Variants in GRID1 observed in about 807,000 individuals in gnomAD.
GRID1 encodes the protein glutamate ionotropic receptor delta type subunit 1.
A neutral mutation model predicts 98.0 loss-of-function variants in GRID1; 28 were observed. That is an observed-to-expected ratio of 0.29 (90% CI 0.21 to 0.39). The LOEUF (loss-of-function observed/expected upper bound fraction) is 0.39, where lower values mean the gene tolerates loss of function less well. GRID1 is among the 10% of genes least tolerant of loss of function. GRID1 has a pLI of 1.00. For missense variants in GRID1, 1,111 were observed against 1,340.5 expected (o/e 0.83, Z 2.67); for synonymous variants, 553 against 538.5 (o/e 1.03, Z -0.37).
chr10:85,679,962 C>T (rs1320164576), intron 12 of GRID1, among the ~76,000 whole-genome samples: 6 of 152,070 alleles, frequency 3.9e-5, no homozygotes, highest in African/African-American at 9.7e-5. Flanking sequence ...CAGGCAGTCA[C>T]GGAAAGAGTC....
chr10:85,764,062 C>T (rs948080050), intron 8 of GRID1, among the ~76,000 whole-genome samples: 2 of 152,068 alleles, frequency 1.3e-5, no homozygotes, highest in Admixed American at 1.3e-4. Context: ...CAAAGAGATG[C>T]GTTTTCTGCC....
At chr10:85,951,068 T>C (rs1842118296) in intron 4 of GRID1, among the ~76,000 whole-genome samples, 1 of 152,074 alleles carries the variant, frequency 6.6e-6, no homozygotes, top group Non-Finnish European at 1.5e-5. Context: ...CCCACTCCTA[T>C]CCCCGGTCAT....
chr10:85,714,500 C>A (rs1841616789), intron 12 of GRID1, among the ~76,000 whole-genome samples: 1 of 151,992 alleles, frequency 6.6e-6, no homozygotes, highest in African/African-American at 2.4e-5. Context: ...AAAGAAAATC[C>A]TTGACCTCAC....
intron 8 of GRID1, among the ~76,000 whole-genome samples, chr10:85,757,193 C>T (rs533415329): frequency 1.3e-5 from 2 of 152,316 alleles, no homozygotes; most frequent in East Asian, 3.9e-4. Flanking sequence ...CTTCAACTCC[C>T]CTTCAAGGTT....
At chr10:85,655,300 C>T (rs1590176902) in intron 12 of GRID1, among the ~76,000 whole-genome samples, 1 of 152,106 alleles carries the variant, frequency 6.6e-6, no homozygotes, top group Non-Finnish European at 1.5e-5. Flanking sequence ...CCCACTGGAT[C>T]CAAGTCCCTG....
At chr10:86,261,941 GC>G (rs1362792721) in intron 2 of GRID1, among the ~76,000 whole-genome samples, 1 of 152,240 alleles carries the variant, frequency 6.6e-6, no homozygotes, top group Non-Finnish European at 1.5e-5. Context: ...AGAGCTGTGT[GC>G]CAGACATCAG....
At chr10:86,305,597 G>A (rs1004140064) in intron 2 of GRID1, among the ~76,000 whole-genome samples, 2 of 152,076 alleles carry the variant, frequency 1.3e-5, no homozygotes, top group Non-Finnish European at 2.9e-5. Flanking sequence ...AGGAGTGAGG[G>A]CCTCTGCATG....
chr10:85,621,422 C>T (rs188144755), intron 13 of GRID1, among the ~76,000 whole-genome samples: 4 of 152,250 alleles, frequency 2.6e-5, no homozygotes, highest in South Asian at 2.1e-4. Flanking sequence ...CAAAGAGTGT[C>T]GTAGCTACTT....
intron 4 of GRID1, among the ~76,000 whole-genome samples, chr10:85,949,443 ACT>A (rs1404753666): frequency 1.3e-5 from 2 of 151,756 alleles, no homozygotes; most frequent in Non-Finnish European, 1.5e-5. Flanking sequence ...ACATTTTCTC[ACT>A]CTTTGTGTAT....
intron 12 of GRID1, among the ~76,000 whole-genome samples, chr10:85,697,620 G>C (rs1004022008): frequency 6.6e-6 from 1 of 152,078 alleles, no homozygotes; most frequent in East Asian, 1.9e-4. Flanking sequence ...ATAACATGTA[G>C]AGAAATTTAC....
At chr10:85,626,442 C>A (rs886398493) in intron 13 of GRID1, among the ~76,000 whole-genome samples, 2 of 152,184 alleles carry the variant, frequency 1.3e-5, no homozygotes, top group Non-Finnish European at 2.9e-5. Context: ...AGACCACACA[C>A]AAATGGCAAT....
At position 86,142,350 on chromosome 10, in the gene GRID1, G is replaced by A. The variant is rs77571464; in HGVS notation, c.521-3326C>T. Among the ~76,000 whole-genome samples, 1,049 of 152,360 alleles carry A rather than the reference G, an allele frequency of 6.9e-3. 18 individuals are homozygous for A. Among genetic ancestry groups the A allele is most frequent in the African/African-American group, 0.024 (1,003 of 41,592 alleles). On this transcript the variant is annotated intron_variant, in intron 3 of 15. Coordinates refer to ENST00000327946, the MANE Select transcript of GRID1 (RefSeq NM_017551.3). Reference sequence around the variant, plus strand: ...TGTATCTGGTATAGCTTATGAAAACGTTAAGTGAAAAAGCAATGCCTTTAC... The same window carrying A: ...TGTATCTGGTATAGCTTATGAAAACATTAAGTGAAAAAGCAATGCCTTTAC...
chr10:85,711,025 G>A (rs1841576586), intron 12 of GRID1, among the ~76,000 whole-genome samples: 1 of 151,994 alleles, frequency 6.6e-6, no homozygotes. Context: ...CATTGCTGGT[G>A]GGAATGTAAA....
rs903859061 is a variant in GRID1, at chr10:86,033,664, C to T, written c.726+105155G>A. Among the ~76,000 whole-genome samples the T allele has an allele frequency of 3.9e-5, 6 of 152,312 alleles. No homozygotes were observed. In the East Asian group the frequency reaches 9.6e-4, roughly 24 times the overall value. On this transcript the variant is annotated intron_variant, in intron 4 of 15. Coordinates refer to ENST00000327946, the MANE Select transcript of GRID1 (RefSeq NM_017551.3). ...TCCCAGGAAGATGGGCCACCCGGAG[C>T]CCTCTCAGTTGGCCACTGGGCCTCC... is the stretch of plus-strand genomic sequence containing the variant.
chr10:86,266,287 G>A (rs186594056), intron 2 of GRID1, among the ~76,000 whole-genome samples: 22 of 151,860 alleles, frequency 1.4e-4, no homozygotes, highest in Admixed American at 3.9e-4. Context: ...CACCAGTGAC[G>A]CCATCAGAAA....
chr10:85,613,976 A>G, intron 14 of GRID1, among the ~76,000 whole-genome samples: 1 of 152,266 alleles, frequency 6.6e-6, no homozygotes, highest in East Asian at 1.9e-4. Flanking sequence ...AGATAAAACT[A>G]GGAAATAGAC....
chr10:86,315,702 T>C (rs1294820318), intron 2 of GRID1, among the ~76,000 whole-genome samples: 4 of 151,840 alleles, frequency 2.6e-5, no homozygotes, highest in Non-Finnish European at 5.9e-5. Context: ...TATGCCCCCA[T>C]ATTTTCCTTC....
intron 2 of GRID1, among the ~76,000 whole-genome samples, chr10:86,216,969 G>T (rs1564709256): frequency 6.6e-6 from 1 of 152,156 alleles, no homozygotes; most frequent in Non-Finnish European, 1.5e-5. Context: ...TGAAAAAGAG[G>T]ATAAGGTTAT....
intron 2 of GRID1, among the ~76,000 whole-genome samples, chr10:86,354,054 T>C (rs1848499929): frequency 6.6e-6 from 1 of 152,022 alleles, no homozygotes; most frequent in Admixed American, 6.5e-5. Context: ...GGCACTCAGA[T>C]GAAAAGGCAG....
Sources: gnomAD v4.1 joint callset for allele counts (sites outside exome capture counted in the v4.1 genomes callset) on GRCh38, gnomAD v4.1.1 for gene constraint, MANE v1.5 for transcripts, NCBI Gene and HGNC (gene_info 2026-07-23, HGNC 2026-07-21) for gene names.